The following FBXO11 variants were observed in gnomAD, a reference collection of about 807,000 sequenced individuals.
FBXO11 encodes F-box only protein 11.
A neutral mutation model predicts 117.0 loss-of-function variants in FBXO11; 13 were observed. The observed-to-expected ratio is 0.11, with a 90% confidence interval of 0.07 to 0.18. The LOEUF (loss-of-function observed/expected upper bound fraction) is 0.18. FBXO11 is among the 10% of genes least tolerant of loss of function. The pLI is 1.00. For missense variants in FBXO11, 767 were observed against 1,164.4 expected, an observed-to-expected ratio of 0.66 and a Z score of 4.97; for synonymous variants, 490 against 380.5, an observed-to-expected ratio of 1.29 and a Z score of -3.35.
chr2:47,859,535 G>A (rs764711445), intron 1 of FBXO11, among the ~76,000 whole-genome samples: 47 of 152,294 alleles, frequency 3.1e-4, no homozygotes, highest in Non-Finnish European at 5.9e-4. Context: ...CACAAAAAGA[G>A]TATATTTCCA....
chr2:47,814,373 C>CTT (rs141660721), intron 16 of FBXO11: 10,208 of 131,392 alleles, frequency 0.078, 495 homozygotes, highest in Non-Finnish European at 0.096. Context: ...TTCAGGGAGT[C>CTT]TTTTTTTTTT....
rs1023718718 is a variant in FBXO11 at position 47,823,489 on chromosome 2, T to A, written c.1399-129A>T. The stretch of plus-strand genomic sequence containing the variant: ...AACATTTAAGGCTGGGCGTGGTGAC[T>A]CACGCCTGTTAATCCCAGCACTTTG... On this transcript the variant is annotated intron_variant, in intron 11 of 22. Transcript: ENST00000403359. 9.6e-6 allele frequency: 7 copies of A among 728,094 alleles called. No homozygotes were observed. The African/African-American group carries it at 1.1e-4, about 11-fold the overall frequency. 45.1% of individuals were successfully genotyped at this position (728,094 alleles called of 1,614,324 possible). A position where few individuals can be genotyped will look rare whatever the true frequency, so the allele number is the denominator to read the frequency against.
Position 47,841,949 on chromosome 2 carries a change from T to C in FBXO11, c.233-2180A>G, listed in dbSNP as rs537246608. On this transcript the variant is annotated intron_variant, in intron 1 of 22. Coordinates refer to ENST00000403359, the MANE Select transcript of FBXO11 (RefSeq NM_001190274.2). Reference sequence around the variant, plus strand: ...CCACTGTGCCCGGCCAAATTATTTTTTAAAAAGCTAGAAAATGATTATAAT... The same window carrying C: ...CCACTGTGCCCGGCCAAATTATTTTCTAAAAAGCTAGAAAATGATTATAAT... Among the ~76,000 whole-genome samples, 4 of 151,542 alleles carry C rather than the reference T, an allele frequency of 2.6e-5. No individual in the cohort carries two copies. In the East Asian group the frequency reaches 7.8e-4, roughly 30 times the overall value.
rs1343387631 is a variant in FBXO11, at chr2:47,895,962, T to C, written c.232+9527A>G. ...CACTCGCCTCAGCCTCCCAAAGTGC[T>C]GGGATTGCAGGCATGAGCCACCATG... On this transcript the variant is annotated intron_variant, in intron 1 of 22. Coordinates refer to ENST00000403359, the MANE Select transcript of FBXO11 (RefSeq NM_001190274.2). Among the ~76,000 whole-genome samples the C allele has an allele frequency of 2.0e-5, 3 of 152,346 alleles. No individual in the cohort carries two copies. In the East Asian group the frequency reaches 5.8e-4, roughly 29 times the overall value.
chr2:47,813,442 T>TTTTTTTTTTTG, intron 17 of FBXO11, 65 bp from the exon 18 acceptor site: 1 of 1,053,804 alleles, frequency 9.5e-7, no homozygotes, highest in East Asian at 2.9e-5. Flanking sequence ...TTTTTTTTTT[T>TTTTTTTTTTTG]TTTTTTGAGA....
chr2:47,830,539 A>C (rs928609903), intron 11 of FBXO11, among the ~76,000 whole-genome samples: 3 of 152,320 alleles, frequency 2.0e-5, no homozygotes, highest in Admixed American at 1.3e-4. Context: ...AATATTTTAA[A>C]CCTTTGCAAA....
intron 1 of FBXO11, among the ~76,000 whole-genome samples, chr2:47,864,617 A>G (rs970984148): frequency 2.0e-5 from 3 of 152,174 alleles, no homozygotes; most frequent in African/African-American, 7.2e-5. Flanking sequence ...ACAAGAATCT[A>G]GATTAAATAA....
At chr2:47,873,377 T>C (rs1330799298) in intron 1 of FBXO11, among the ~76,000 whole-genome samples, 1 of 152,258 alleles carries the variant, frequency 6.6e-6, no homozygotes, top group African/African-American at 2.4e-5. Flanking sequence ...CTAAGAAGTC[T>C]AACTGCTCTT....
Position 47,808,034 on chromosome 2 carries a change from G to T in FBXO11, c.*84C>A. On this transcript the variant is annotated 3_prime_UTR_variant, in exon 23 of 23. Coordinates refer to ENST00000403359, the MANE Select transcript of FBXO11 (RefSeq NM_001190274.2). ...TTAATACAGTCTCTTCCTGTAGCAT[G>T]GGCAAATATTTTAAATCTTCTTCCA... The T allele has an allele frequency of 1.6e-6, 2 of 1,240,264 alleles. No homozygotes were observed. Among genetic ancestry groups the T allele is most frequent in the Non-Finnish European group, 1.1e-6 (1 of 879,586 alleles). The allele number at this position is 1,240,264 out of a possible 1,614,324, so 76.8% of individuals were successfully genotyped here. A position where few individuals can be genotyped will look rare whatever the true frequency, so the allele number is the denominator to read the frequency against.
At chr2:47,876,756 G>A (rs952143664) in intron 1 of FBXO11, among the ~76,000 whole-genome samples, 6 of 152,112 alleles carry the variant, frequency 3.9e-5, no homozygotes, top group Non-Finnish European at 8.8e-5. Flanking sequence ...TCAGCAGTGC[G>A]CTATTTCAAT....
intron 5 of FBXO11, 22 bp downstream of exon 5, chr2:47,835,850 A>G (rs1198738028): frequency 6.4e-7 from 1 of 1,551,308 alleles, no homozygotes; most frequent in Non-Finnish European, 8.8e-7. Context: ...ATAAACCAAT[A>G]TATTCTATTT....
chr2:47,807,039 A>ATAT lies in FBXO11; in HGVS notation c.*1076_*1078dup, dbSNP rs1670256816. 2 of 618,862 alleles carry ATAT rather than the reference A, an allele frequency of 3.2e-6. No homozygotes were observed. The highest frequency in any genetic ancestry group is 3.9e-5 in the South Asian group (2 of 51,502). The allele number at this position is 618,862 out of a possible 1,614,324, so 38.3% of individuals were successfully genotyped here. A position where few individuals can be genotyped will look rare whatever the true frequency, so the allele number is the denominator to read the frequency against. On this transcript the variant is annotated 3_prime_UTR_variant, in exon 23 of 23. Coordinates refer to ENST00000403359, the MANE Select transcript of FBXO11 (RefSeq NM_001190274.2). ...TAATGGTTATTGAATACTCCACAAT[A>ATAT]TATTAAGTCTAGATGTTATGGTACA...
chr2:47,877,017 C>T (rs933992859), intron 1 of FBXO11, among the ~76,000 whole-genome samples: 1 of 151,600 alleles, frequency 6.6e-6, no homozygotes, highest in Non-Finnish European at 1.5e-5. Flanking sequence ...TAGTACACAT[C>T]TAATGACATC....
At position 47,839,011 on chromosome 2, in the gene FBXO11, G is replaced by A; in HGVS notation, c.443-8C>T. On this transcript the variant is annotated splice_polypyrimidine_tract_variant and splice_region_variant and intron_variant, in intron 3 of 22. Coordinates refer to ENST00000403359, the MANE Select transcript of FBXO11 (RefSeq NM_001190274.2). ...ACTGTTCAGCAGGTGCTGCTATAAA[G>A]AGATTAACATATAAACTATCATTCG... The A allele has an allele frequency of 6.2e-7, 1 of 1,607,178 alleles. No homozygotes were observed. The highest frequency in any genetic ancestry group is 8.5e-7 in the Non-Finnish European group (1 of 1,177,028).
chr2:47,857,910 CCAT>C (rs1674437165), intron 1 of FBXO11, among the ~76,000 whole-genome samples: 1 of 151,982 alleles, frequency 6.6e-6, no homozygotes, highest in African/African-American at 2.4e-5. Flanking sequence ...TTAAAAATCG[CCAT>C]TATTTTGTCC....
chr2:47,835,825 T>C, intron 5 of FBXO11, 47 bp downstream of exon 5: 1 of 1,440,554 alleles, frequency 6.9e-7, no homozygotes, highest in South Asian at 1.3e-5. Flanking sequence ...AGAAAGTTAT[T>C]TACAAATGTA....
At chr2:47,854,160 A>G (rs1268957996) in intron 1 of FBXO11, among the ~76,000 whole-genome samples, 1 of 152,192 alleles carries the variant, frequency 6.6e-6, no homozygotes, top group Non-Finnish European at 1.5e-5. Flanking sequence ...AACACACAAA[A>G]GAGAAAACAG....
chr2:47,897,728 GAAAA>G (rs1327896799), intron 1 of FBXO11, among the ~76,000 whole-genome samples: 1 of 133,746 alleles, frequency 7.5e-6, no homozygotes, highest in Non-Finnish European at 1.6e-5. Flanking sequence ...AAAAGGAAAA[GAAAA>G]AAGAAAAATT....
At chr2:47,818,921 T>G in intron 15 of FBXO11, 35 bp downstream of exon 15, 1 of 1,590,740 alleles carries the variant, frequency 6.3e-7, no homozygotes, top group Non-Finnish European at 8.5e-7. Context: ...TACAAAACAA[T>G]GTATTTCCCA....
Sources: gnomAD v4.1 joint callset for allele counts (sites outside exome capture counted in the v4.1 genomes callset) on GRCh38, gnomAD v4.1.1 for gene constraint, MANE v1.5 for transcripts, NCBI Gene and HGNC (gene_info 2026-07-23, HGNC 2026-07-21) for gene names.